Variants in PDE10A observed in about 807,000 individuals in gnomAD.
PDE10A encodes the protein cAMP and cAMP-inhibited cGMP 3',5'-cyclic phosphodiesterase 10A.
A neutral mutation model predicts 97.7 loss-of-function variants in PDE10A; 39 were observed. That is an observed-to-expected ratio of 0.40 (90% CI 0.31 to 0.52). The LOEUF (loss-of-function observed/expected upper bound fraction) is 0.52. PDE10A is among the 20% of genes least tolerant of loss of function. The pLI is 0.56. For missense variants in PDE10A, 731 were observed against 1,047.8 expected (o/e 0.70, Z 4.17); for synonymous variants, 371 against 376.8 (o/e 0.98, Z 0.18).
chr6:165,626,296 A>G (rs1788382976), intron 1 of PDE10A, among the ~76,000 whole-genome samples: 2 of 152,200 alleles, frequency 1.3e-5, no homozygotes, highest in South Asian at 2.1e-4. Flanking sequence ...TCTTTTTTGG[A>G]TTAGATGTTA....
At chr6:165,625,297 A>C (rs9459461) in intron 1 of PDE10A, among the ~76,000 whole-genome samples, 11,956 of 152,268 alleles carry the variant, frequency 0.079, 1,501 homozygotes, top group African/African-American at 0.27. Context: ...AGGCTGTCTC[A>C]CTGGTCCAGG....
At chr6:165,527,514 G>C (rs1485424006) in intron 2 of PDE10A, among the ~76,000 whole-genome samples, 1 of 152,172 alleles carries the variant, frequency 6.6e-6, no homozygotes, top group Non-Finnish European at 1.5e-5. Flanking sequence ...ATCTCCACCA[G>C]ATAACTACTC....
At chr6:165,673,779 A>G (rs1475585136) in intron 1 of PDE10A, among the ~76,000 whole-genome samples, 1 of 152,210 alleles carries the variant, frequency 6.6e-6, no homozygotes, top group Non-Finnish European at 1.5e-5. Flanking sequence ...GGGATTCCAT[A>G]GGTTTTAAAA....
intron 5 of PDE10A, among the ~76,000 whole-genome samples, chr6:165,444,174 T>A (rs1051347330): frequency 6.6e-6 from 1 of 152,214 alleles, no homozygotes; most frequent in Non-Finnish European, 1.5e-5. Flanking sequence ...TCCGTATCAC[T>A]GTCAGCATTT....
At chr6:165,348,763 T>G (rs1782487196) in intron 18 of PDE10A, among the ~76,000 whole-genome samples, 1 of 152,226 alleles carries the variant, frequency 6.6e-6, no homozygotes, top group African/African-American at 2.4e-5. Context: ...TGGAGATAAC[T>G]GAATCATGCG....
At chr6:165,922,975 C>T (rs1782798190) in intron 1 of PDE10A, among the ~76,000 whole-genome samples, 3 of 152,146 alleles carry the variant, frequency 2.0e-5, no homozygotes, top group South Asian at 4.1e-4. Context: ...ACCTCCAAGC[C>T]CTGAGATTAA....
chr6:165,613,946 G>A (rs1027265753), intron 1 of PDE10A, among the ~76,000 whole-genome samples: 1 of 151,756 alleles, frequency 6.6e-6, no homozygotes, highest in South Asian at 2.1e-4. Context: ...TCCCCTTCTC[G>A]CTGACAGTCA....
At chr6:165,359,340 G>A (rs1272576370) in intron 18 of PDE10A, among the ~76,000 whole-genome samples, 1 of 151,960 alleles carries the variant, frequency 6.6e-6, no homozygotes, top group East Asian at 1.9e-4. Flanking sequence ...CCTTATTTCA[G>A]CCTCCTTTTT....
chr6:165,894,710 A>G (rs9364825), intron 1 of PDE10A: 48,604 of 340,144 alleles, frequency 0.14, 4,049 homozygotes, highest in East Asian at 0.25. Context: ...ACCTTTTAGG[A>G]TGGAAACTTA....
At chr6:165,981,973 C>G (rs1414203520) in intron 1 of PDE10A, among the ~76,000 whole-genome samples, 1 of 152,216 alleles carries the variant, frequency 6.6e-6, no homozygotes, top group East Asian at 1.9e-4. Flanking sequence ...TACACATTCA[C>G]TTTTAACTAG....
intron 1 of PDE10A, among the ~76,000 whole-genome samples, chr6:165,980,083 T>A (rs1467501539): frequency 7.2e-5 from 11 of 152,234 alleles, no homozygotes; most frequent in African/African-American, 2.7e-4. Context: ...AAAGTTGTCT[T>A]ATGAATCCTA....
intron 1 of PDE10A, among the ~76,000 whole-genome samples, chr6:165,862,959 C>A (rs912565801): frequency 2.6e-5 from 4 of 152,220 alleles, no homozygotes; most frequent in Non-Finnish European, 5.9e-5. Context: ...GGATTATAGG[C>A]ATGAGCCACC....
chr6:165,348,450 C>T (rs2128184697), intron 18 of PDE10A, among the ~76,000 whole-genome samples: 1 of 152,254 alleles, frequency 6.6e-6, no homozygotes, highest in Non-Finnish European at 1.5e-5. Flanking sequence ...TTGCTAATTT[C>T]AACAAAAAAC....
intron 1 of PDE10A, among the ~76,000 whole-genome samples, chr6:165,626,926 G>A (rs1788416197): frequency 6.6e-6 from 1 of 152,200 alleles, no homozygotes; most frequent in African/African-American, 2.4e-5. Flanking sequence ...TTAGATGTCT[G>A]TAATTTTAGA....
intron 1 of PDE10A, among the ~76,000 whole-genome samples, chr6:165,856,064 G>T (rs1202473321): frequency 6.6e-6 from 1 of 152,182 alleles, no homozygotes; most frequent in Non-Finnish European, 1.5e-5. Flanking sequence ...AAATGGCTAG[G>T]CTGGGGCATC....
chr6:165,833,784 G>A (rs1779991852), intron 1 of PDE10A, among the ~76,000 whole-genome samples: 2 of 152,212 alleles, frequency 1.3e-5, no homozygotes, highest in African/African-American at 4.8e-5. Context: ...TCCATTCCAG[G>A]TAAGAGTTGA....
At chr6:165,933,040 G>A (rs1187041076) in intron 1 of PDE10A, among the ~76,000 whole-genome samples, 1 of 152,204 alleles carries the variant, frequency 6.6e-6, no homozygotes, top group Non-Finnish European at 1.5e-5. Context: ...GGCTACCAGA[G>A]ATGACAAACC....
intron 1 of PDE10A, among the ~76,000 whole-genome samples, chr6:165,587,518 T>C (rs191216765): frequency 1.3e-4 from 20 of 152,322 alleles, no homozygotes; most frequent in African/African-American, 4.3e-4. Flanking sequence ...ATTTAATTCA[T>C]TGTTTCATCT....
At chr6:165,476,978 T>C (rs932664971) in intron 3 of PDE10A, among the ~76,000 whole-genome samples, 2 of 152,164 alleles carry the variant, frequency 1.3e-5, no homozygotes, top group Admixed American at 6.5e-5. Flanking sequence ...CTTTTTGACT[T>C]AGGAGCTGAA....
Sources: allele counts gnomAD v4.1 joint callset (sites outside exome capture counted in the v4.1 genomes callset), GRCh38; gene constraint gnomAD v4.1.1; transcripts MANE v1.5; gene names NCBI Gene and HGNC (gene_info 2026-07-23, HGNC 2026-07-21).